The following ENOX1 variants were observed in gnomAD, a reference collection of about 807,000 sequenced individuals.
ENOX1 encodes ecto-NOX disulfide-thiol exchanger 1.
Under a neutral mutation model 82.5 loss-of-function variants are expected in ENOX1, and 42 were observed. The ratio of observed to expected loss-of-function variants is 0.51; its 90% CI spans 0.40 to 0.66. The LOEUF is 0.66. Ranked by LOEUF, ENOX1 falls within the 30% of genes least tolerant of loss-of-function variation. ENOX1 has a pLI of 0.00. For missense variants in ENOX1, 608 were observed against 811.6 expected, an observed-to-expected ratio of 0.75 and a Z score of 3.05; for synonymous variants, 271 against 282.2, an observed-to-expected ratio of 0.96 and a Z score of 0.40.
intron 14 of ENOX1, among the ~76,000 whole-genome samples, chr13:43,247,856 TATATATATATATATATATATATA>T (rs2043188615): frequency 0.017 from 73 of 4,326 alleles, 6 homozygotes; most frequent in East Asian, 0.067. Flanking sequence ...TATATATATA[TATATATATATATATATATATATA>T]TATATTTTTT....
At chr13:43,574,722 A>G (rs2080339174) in intron 2 of ENOX1, among the ~76,000 whole-genome samples, 2 of 152,232 alleles carry the variant, frequency 1.3e-5, no homozygotes, top group Admixed American at 6.5e-5. Context: ...TTAATCTGCC[A>G]TGCCTGAATT....
intron 3 of ENOX1, among the ~76,000 whole-genome samples, chr13:43,454,264 T>G (rs374331957): frequency 6.6e-6 from 1 of 152,146 alleles, no homozygotes; most frequent in Non-Finnish European, 1.5e-5. Context: ...AAACTATTTT[T>G]TTTTTTTGCT....
intron 1 of ENOX1, among the ~76,000 whole-genome samples, chr13:43,690,909 G>A (rs1025876746): frequency 1.3e-5 from 2 of 152,184 alleles, no homozygotes; most frequent in African/African-American, 4.8e-5. Flanking sequence ...GGTGGGAGAA[G>A]GGCAAGAGTT....
intron 2 of ENOX1, among the ~76,000 whole-genome samples, chr13:43,651,269 AAGG>A (rs2084157127): frequency 4.6e-5 from 7 of 152,106 alleles, no homozygotes; most frequent in Admixed American, 4.6e-4. Context: ...AGGGGGAGGG[AAGG>A]AGGAGAAGAG....
intron 5 of ENOX1, among the ~76,000 whole-genome samples, chr13:43,405,339 G>A (rs556944897): frequency 5.9e-5 from 9 of 152,250 alleles, no homozygotes; most frequent in East Asian, 1.9e-4. Flanking sequence ...GCAGAGGTGC[G>A]TCTGGGCGTT....
chr13:43,324,425 C>T (rs998315034), intron 10 of ENOX1, among the ~76,000 whole-genome samples: 1 of 152,212 alleles, frequency 6.6e-6, no homozygotes, highest in African/African-American at 2.4e-5. Context: ...CTAGTACACT[C>T]TAATAAATCT....
In ENOX1 at chr13:43,254,252, T is replaced by C. The variant is rs116523433; in HGVS notation, c.1611+11146A>G. On this transcript the variant is annotated intron_variant, in intron 14 of 16. Transcript: ENST00000690772. ...CTAGGCCACAAAGAAGGTTCGGACA[T>C]AGAGTTCACAGCACACGACCTCAAA... Among the ~76,000 whole-genome samples, 498 of 152,316 alleles carry C rather than the reference T, an allele frequency of 3.3e-3. 2 individuals carry two copies. Among genetic ancestry groups the C allele is most frequent in the African/African-American group, 0.012 (487 of 41,568 alleles).
At chr13:43,402,639 A>T (rs771364717) in intron 5 of ENOX1, among the ~76,000 whole-genome samples, 5 of 152,234 alleles carry the variant, frequency 3.3e-5, no homozygotes, top group Admixed American at 6.5e-5. Context: ...CTGCAGAATA[A>T]TAAAAGGAAA....
At chr13:43,700,407 T>C (rs1000756572) in intron 1 of ENOX1, among the ~76,000 whole-genome samples, 4 of 152,182 alleles carry the variant, frequency 2.6e-5, no homozygotes, top group South Asian at 4.1e-4. Context: ...TTATACATTA[T>C]AGTTCATCTC....
chr13:43,651,047 T>C (rs2084142641), intron 2 of ENOX1, among the ~76,000 whole-genome samples: 1 of 152,148 alleles, frequency 6.6e-6, no homozygotes, highest in South Asian at 2.1e-4. Flanking sequence ...AAGCTCTATG[T>C]AAATCTAGCA....
intron 11 of ENOX1, among the ~76,000 whole-genome samples, chr13:43,304,225 G>A (rs1483916654): frequency 2.6e-5 from 4 of 152,196 alleles, no homozygotes; most frequent in Non-Finnish European, 4.4e-5. Context: ...TAGCAACAGT[G>A]GTAGTGACAG....
chr13:43,730,920 T>G (rs1182927943), intron 1 of ENOX1, among the ~76,000 whole-genome samples: 1 of 152,216 alleles, frequency 6.6e-6, no homozygotes, highest in African/African-American at 2.4e-5. Context: ...CTATTCATTC[T>G]CAGCACTCCT....
chr13:43,614,663 A>C (rs942925550), intron 2 of ENOX1, among the ~76,000 whole-genome samples: 1 of 150,086 alleles, frequency 6.7e-6, no homozygotes, highest in African/African-American at 2.5e-5. Flanking sequence ...TTCTACACCT[A>C]CATTCATGAC....
At chr13:43,308,037 C>T (rs1426963395) in intron 11 of ENOX1, among the ~76,000 whole-genome samples, 1 of 152,246 alleles carries the variant, frequency 6.6e-6, no homozygotes, top group African/African-American at 2.4e-5. Context: ...CTGCTTCCCT[C>T]TCTCACTGCT....
At chr13:43,355,272 C>T (rs1566588019) in intron 8 of ENOX1, among the ~76,000 whole-genome samples, 1 of 152,094 alleles carries the variant, frequency 6.6e-6, no homozygotes. Context: ...TCTTTATTTC[C>T]CACAGCATAA....
intron 1 of ENOX1, among the ~76,000 whole-genome samples, chr13:43,694,304 C>G (rs983645281): frequency 6.6e-6 from 1 of 151,924 alleles, no homozygotes; most frequent in African/African-American, 2.4e-5. Context: ...TCTTAACAAC[C>G]CCAAGCCTGG....
intron 2 of ENOX1, among the ~76,000 whole-genome samples, chr13:43,526,464 A>G (rs1312078919): frequency 6.6e-6 from 1 of 152,172 alleles, no homozygotes; most frequent in Non-Finnish European, 1.5e-5. Context: ...TGTAATAATA[A>G]AAAGGCATAG....
intron 1 of ENOX1, among the ~76,000 whole-genome samples, chr13:43,712,597 C>T (rs1056893231): frequency 2.7e-5 from 4 of 147,950 alleles, no homozygotes; most frequent in Admixed American, 1.4e-4. Context: ...TTTCATTGAG[C>T]GGTGGTTTGT....
rs1471319553 is a variant in ENOX1, at chr13:43,335,944, A to AT, written c.1036+8593dup. On this transcript the variant is annotated intron_variant, in intron 9 of 16. Coordinates refer to ENST00000690772, the MANE Select transcript of ENOX1 (RefSeq NM_001347969.2). ...ATTTATTCCCTGAGACCAAAGAGGT[A>AT]TTTTTTTAAATGGAAATAATGTTTC... 3.3e-5 allele frequency among the ~76,000 whole-genome samples: 5 copies of AT among 152,248 alleles called. No individual in the cohort carries two copies. In the South Asian group the frequency reaches 6.2e-4, roughly 19 times the overall value.
Sources: allele counts gnomAD v4.1 joint callset (sites outside exome capture counted in the v4.1 genomes callset), GRCh38; gene constraint gnomAD v4.1.1; transcripts MANE v1.5; gene names NCBI Gene and HGNC (gene_info 2026-07-23, HGNC 2026-07-21).